Variants in ADAMTSL1 observed in about 807,000 individuals in gnomAD.
ADAMTSL1 encodes the protein ADAMTS-like protein 1.
ADAMTSL1 carries 126 observed loss-of-function variants against 201.8 expected under a neutral mutation model. That is an observed-to-expected ratio of 0.62 (90% CI 0.54 to 0.72). The LOEUF (loss-of-function observed/expected upper bound fraction) is 0.72. ADAMTSL1 is among the 30% of genes least tolerant of loss of function. The pLI is 0.00. For missense variants in ADAMTSL1, 2,679 were observed against 2,277.8 expected, an observed-to-expected ratio of 1.18 and a Z score of -3.59; for synonymous variants, 1,121 against 903.4, an observed-to-expected ratio of 1.24 and a Z score of -4.32.
intron 3 of ADAMTSL1, among the ~76,000 whole-genome samples, chr9:18,562,612 T>G (rs1008274405): frequency 1.3e-5 from 2 of 152,222 alleles, no homozygotes; most frequent in Non-Finnish European, 2.9e-5. Flanking sequence ...GAAGAGTGTT[T>G]TCTACTTGGT....
intron 1 of ADAMTSL1, among the ~76,000 whole-genome samples, chr9:17,950,351 C>T (rs1827684429): frequency 6.6e-6 from 1 of 151,948 alleles, no homozygotes; most frequent in Non-Finnish European, 1.5e-5. Flanking sequence ...CATTTTGTTA[C>T]ATATTTTATT....
intron 2 of ADAMTSL1, among the ~76,000 whole-genome samples, chr9:18,390,698 T>C (rs909695933): frequency 2.6e-5 from 4 of 152,034 alleles, no homozygotes; most frequent in Non-Finnish European, 5.9e-5. Context: ...CACCTCCCAG[T>C]GGAGGAAAAC....
intron 25 of ADAMTSL1, among the ~76,000 whole-genome samples, chr9:18,890,318 A>T (rs1829165651): frequency 6.6e-6 from 1 of 152,222 alleles, no homozygotes; most frequent in Non-Finnish European, 1.5e-5. Flanking sequence ...TGTGTGGCCC[A>T]GAGTGACACC....
intron 2 of ADAMTSL1, among the ~76,000 whole-genome samples, chr9:18,178,787 G>T (rs1828305326): frequency 1.3e-5 from 2 of 152,162 alleles, no homozygotes; most frequent in Admixed American, 6.5e-5. Flanking sequence ...CACATGGCCA[G>T]GTACTCCAAC....
At position 18,112,486 on chromosome 9, in the gene ADAMTSL1, G is replaced by T. The variant is rs562168953; in HGVS notation, c.88-51376G>T. ...CTCACAAATATACCCATTTTTTTGGGTTTTTTTTTTTTCCTAGTTCTTATC... is the reference window on the plus strand; with the variant it reads ...CTCACAAATATACCCATTTTTTTGGTTTTTTTTTTTTTCCTAGTTCTTATC... On this transcript the variant is annotated intron_variant, in intron 1 of 29. Coordinates refer to the ADAMTSL1 transcript ENST00000680146. 3.9e-4 allele frequency among the ~76,000 whole-genome samples: 57 copies of T among 144,904 alleles called. No individual in the cohort carries two copies. The Middle Eastern group carries it at 0.011, about 28-fold the overall frequency.
intron 1 of ADAMTSL1, among the ~76,000 whole-genome samples, chr9:18,008,380 C>A (rs1819915646): frequency 6.6e-6 from 1 of 151,970 alleles, no homozygotes. Context: ...GATCCCAATA[C>A]TCTTGGCATA....
In ADAMTSL1 at chr9:18,855,196, C is replaced by T. The variant is rs770439319; in HGVS notation, c.4249+25219C>T. Among the ~76,000 whole-genome samples, 8 of 152,162 alleles carry T rather than the reference C, an allele frequency of 5.3e-5. No individual in the cohort carries two copies. In the East Asian group the frequency reaches 7.7e-4, roughly 15 times the overall value. On this transcript the variant is annotated intron_variant, in intron 23 of 28. Coordinates refer to ENST00000380548, the MANE Select transcript of ADAMTSL1 (RefSeq NM_001040272.6). ...TTCCCTTTGCTGGTAGAAAGAAGGC[C>T]GGGGAAAATAAGCCAGAATCACATC...
rs565654340 is a variant in ADAMTSL1, at chr9:18,357,774, CATGAAA to C, written c.208-147049_208-147044del. Among the ~76,000 whole-genome samples the C allele has an allele frequency of 4.5e-4, 68 of 152,136 alleles. No individual in the cohort carries two copies. The South Asian group carries it at 0.013, about 28-fold the overall frequency. On this transcript the variant is annotated intron_variant, in intron 2 of 29. Transcript: ENST00000680146. ...TTTTCCATAACCTAGAATTGGAAAA[CATGAAA>C]ATGAAGACCTGTCATTTACAATTAT...
At chr9:18,056,643 A>T (rs1488171379) in intron 1 of ADAMTSL1, among the ~76,000 whole-genome samples, 1 of 152,238 alleles carries the variant, frequency 6.6e-6, no homozygotes, top group Non-Finnish European at 1.5e-5. Context: ...TACAAATCTC[A>T]ACATGGCAAG....
intron 20 of ADAMTSL1, among the ~76,000 whole-genome samples, chr9:18,808,828 G>C (rs1452526076): frequency 6.6e-6 from 1 of 152,240 alleles, no homozygotes; most frequent in Non-Finnish European, 1.5e-5. Context: ...CTGGGCTCCA[G>C]TTCAGCCCTA....
In ADAMTSL1 at chr9:17,956,162, A is replaced by G. The variant is rs184937085; in HGVS notation, c.87+49240A>G. ...TAACAGAAATTTACATTTTTCATAAATACATCTTACCTTGTAGTGCTTTTT... is the reference window on the plus strand; with the variant it reads ...TAACAGAAATTTACATTTTTCATAAGTACATCTTACCTTGTAGTGCTTTTT... On this transcript the variant is annotated intron_variant, in intron 1 of 29. Transcript: ENST00000680146. Among the ~76,000 whole-genome samples the G allele has an allele frequency of 5.6e-4, 86 of 152,292 alleles. No individual in the cohort carries two copies. In the Middle Eastern group the frequency reaches 0.017, roughly 30 times the overall value.
chr9:18,702,419 A>G (rs551875607), intron 13 of ADAMTSL1, among the ~76,000 whole-genome samples: 1 of 152,174 alleles, frequency 6.6e-6, no homozygotes, highest in Non-Finnish European at 1.5e-5. Context: ...CATGCTTCTA[A>G]CTCTATACTA....
chr9:18,724,992 C>T (rs1010812544), intron 15 of ADAMTSL1, among the ~76,000 whole-genome samples: 11 of 151,996 alleles, frequency 7.2e-5, no homozygotes, highest in South Asian at 6.2e-4. Flanking sequence ...CTGCAAGCTC[C>T]GCCTCCCGGG....
rs139287759 is a variant in ADAMTSL1 at position 18,662,020 on chromosome 9, C to T, written c.1032C>T (p.Asn344=). The change falls in exon 9 of 29, where the codon AAC becomes AAT. Residue 344 remains asparagine (N), a synonymous_variant. Coordinates refer to ENST00000380548, the MANE Select transcript of ADAMTSL1 (RefSeq NM_001040272.6). ...AATACTGTCACTATTACCCAGAGAA[C>T]ATCAAACCCAAACCCAAGCTTCAGG... ...ADQYCHYYPE[N]IKPKPKLQEC... is the part of the protein sequence containing the mutation. The T allele has an allele frequency of 1.2e-6, 2 of 1,613,946 alleles. No individual in the cohort carries two copies. Among genetic ancestry groups the T allele is most frequent in the African/African-American group, 1.3e-5 (1 of 74,896 alleles).
intron 4 of ADAMTSL1, among the ~76,000 whole-genome samples, chr9:18,616,782 A>T (rs7872766): frequency 0.011 from 1,734 of 152,106 alleles, 38 homozygotes; most frequent in African/African-American, 0.04. Flanking sequence ...CCATTCACTC[A>T]TTTGTTCTTG....
At chr9:18,703,111 C>A (rs922778304) in intron 13 of ADAMTSL1, among the ~76,000 whole-genome samples, 2 of 152,084 alleles carry the variant, frequency 1.3e-5, no homozygotes, top group Non-Finnish European at 2.9e-5. Flanking sequence ...TCCATTTTTA[C>A]ATGAAAGTGA....
intron 26 of ADAMTSL1, among the ~76,000 whole-genome samples, chr9:18,899,122 C>G (rs1048849904): frequency 2.0e-5 from 3 of 152,050 alleles, no homozygotes; most frequent in African/African-American, 7.2e-5. Context: ...AATTAATGTG[C>G]AAAAATTGCT....
At chr9:18,709,795 T>A (rs1340746886) in intron 14 of ADAMTSL1, among the ~76,000 whole-genome samples, 1 of 152,214 alleles carries the variant, frequency 6.6e-6, no homozygotes, top group East Asian at 1.9e-4. Flanking sequence ...ATTGAACTCC[T>A]AGACAGTAAA....
chr9:18,545,834 C>CAAATAA (rs1243292507), intron 3 of ADAMTSL1, among the ~76,000 whole-genome samples: 2 of 152,148 alleles, frequency 1.3e-5, no homozygotes, highest in African/African-American at 4.8e-5. Context: ...GGAATGAAAC[C>CAAATAA]AAATAAGCTG....
Sources: allele counts gnomAD v4.1 joint callset (sites outside exome capture counted in the v4.1 genomes callset), GRCh38; gene constraint gnomAD v4.1.1; transcripts MANE v1.5; gene names NCBI Gene and HGNC (gene_info 2026-07-23, HGNC 2026-07-21).